RGPD4: variants seen among roughly 807,000 people sequenced by gnomAD.
The protein encoded by RGPD4 is ranBP2-like and GRIP domain-containing protein 4.
In RGPD4, 84 loss-of-function variants were observed where a neutral mutation model predicts 141.1. The ratio of observed to expected loss-of-function variants is 0.60; its 90% CI spans 0.50 to 0.71. RGPD4 has a LOEUF of 0.71. RGPD4 is among the 30% of genes least tolerant of loss of function. RGPD4 has a pLI of 0.00. For synonymous variants in RGPD4, 298 were observed against 566.8 expected (o/e 0.53, Z 6.74); for missense variants, 918 against 1,622.4 (o/e 0.57, Z 7.46).
At chr2:107,855,832 C>T (rs373308974) in intron 8 of RGPD4, among the ~76,000 whole-genome samples, 315 of 83,794 alleles carry the variant, frequency 3.8e-3, no homozygotes, top group African/African-American at 0.012. Flanking sequence ...CCTTGGCAAC[C>T]GCTAATCTGT....
intron 18 of RGPD4, among the ~76,000 whole-genome samples, chr2:107,866,965 G>A (rs1364010611): frequency 6.7e-6 from 1 of 149,674 alleles, no homozygotes; most frequent in East Asian, 2.0e-4. Context: ...GTTACTAATA[G>A]TGTTTACTGT....
At chr2:107,831,896 A>G (rs901565592) in intron 1 of RGPD4, among the ~76,000 whole-genome samples, 2 of 134,524 alleles carry the variant, frequency 1.5e-5, no homozygotes, top group African/African-American at 5.8e-5. Flanking sequence ...TGTACTGGCT[A>G]TTATGCTCCT....
intron 22 of RGPD4, among the ~76,000 whole-genome samples, chr2:107,885,692 C>G (rs1295902834): frequency 6.6e-6 from 1 of 152,032 alleles, no homozygotes; most frequent in Non-Finnish European, 1.5e-5. Flanking sequence ...ATAAAAGAGA[C>G]CTTATTACAA....
chr2:107,878,014 T>A lies in RGPD4; in HGVS notation c.4925-1954T>A, dbSNP rs569295963. ...TTTTAGTAGAGATAGGGTTTCACCA[T>A]CTTGGCCAGGCTGGTCTTGAACTTG... On this transcript the variant is annotated intron_variant, in intron 20 of 22. Coordinates refer to ENST00000408999, the MANE Select transcript of RGPD4 (RefSeq NM_182588.3). Among the ~76,000 whole-genome samples, 184 of 151,310 alleles carry A rather than the reference T, an allele frequency of 1.2e-3. 1 individual carries two copies. The highest frequency in any genetic ancestry group is 4.3e-3 in the African/African-American group (177 of 40,940).
intron 18 of RGPD4, 115 bp from the exon 19 acceptor site, chr2:107,869,768 A>C (rs576083578): frequency 1.8e-5 from 19 of 1,053,562 alleles, no homozygotes; most frequent in Non-Finnish European, 2.4e-5. Context: ...AAATTTATGT[A>C]GTTAAATCTT....
chr2:107,883,871 A>G (rs1464015183), intron 22 of RGPD4, among the ~76,000 whole-genome samples: 3 of 152,166 alleles, frequency 2.0e-5, no homozygotes, highest in African/African-American at 7.2e-5. Flanking sequence ...GTTGTCACCC[A>G]TCTCTAACAG....
chr2:107,852,202 C>T (rs1313421417), intron 7 of RGPD4, among the ~76,000 whole-genome samples: 3 of 140,498 alleles, frequency 2.1e-5, no homozygotes, highest in Admixed American at 1.4e-4. Context: ...GATCGTGCCA[C>T]TGCAGCACTG....
chr2:107,883,369 T>C (rs1175052443), intron 22 of RGPD4, among the ~76,000 whole-genome samples: 77 of 151,694 alleles, frequency 5.1e-4, no homozygotes, highest in South Asian at 8.3e-4. Context: ...TGGTGGTTCA[T>C]GCCTATAATC....
chr2:107,833,913 G>A (rs1160110525), intron 1 of RGPD4, among the ~76,000 whole-genome samples: 1 of 151,946 alleles, frequency 6.6e-6, no homozygotes, highest in East Asian at 1.9e-4. Context: ...GCGTGCGCCT[G>A]CAGTCCCAGC....
chr2:107,881,607 C>T (rs548200120), intron 21 of RGPD4, among the ~76,000 whole-genome samples: 10 of 151,188 alleles, frequency 6.6e-5, no homozygotes, highest in East Asian at 3.9e-4. Flanking sequence ...TGAGCCACCA[C>T]GCCTGGCCAA....
At chr2:107,884,929 A>AT (rs1390361861) in intron 22 of RGPD4, among the ~76,000 whole-genome samples, 1 of 151,132 alleles carries the variant, frequency 6.6e-6, no homozygotes, top group Non-Finnish European at 1.5e-5. Context: ...TTCAGGCTTA[A>AT]TTTTTTTTAC....
intron 22 of RGPD4, among the ~76,000 whole-genome samples, chr2:107,886,642 G>A (rs1202007936): frequency 6.6e-6 from 1 of 151,920 alleles, no homozygotes; most frequent in East Asian, 1.9e-4. Flanking sequence ...TACAGATATG[G>A]ACTGTCAGTC....
rs201001022 is a variant in RGPD4, at chr2:107,872,019, G to A, written c.4015G>A (p.Val1339Ile). Residue 1339 changes from valine (V) to isoleucine (I), a missense_variant, in exon 20 of 23, where the codon GTT becomes ATT. Coordinates refer to ENST00000408999, the MANE Select transcript of RGPD4 (RefSeq NM_182588.3). ...ERDGQYFEPV[V>I]PLPDLVEVSS... The stretch of plus-strand genomic sequence containing the variant: ...AGATGGACAGTACTTTGAACCTGTT[G>A]TTCCTTTACCTGATCTAGTTGAAGT... 6.8e-6 allele frequency: 11 copies of A among 1,611,250 alleles called. No homozygotes were observed. The East Asian group carries it at 2.2e-4, about 33-fold the overall frequency.
chr2:107,831,581 T>TTTTC (rs1558788386), intron 1 of RGPD4, among the ~76,000 whole-genome samples: 6 of 138,610 alleles, frequency 4.3e-5, no homozygotes, highest in Admixed American at 7.1e-5. Context: ...TCTTTTTTTT[T>TTTTC]TTTTTTTTTT....
chr2:107,884,203 C>T (rs1195852782), intron 22 of RGPD4, among the ~76,000 whole-genome samples: 4 of 152,116 alleles, frequency 2.6e-5, no homozygotes, highest in East Asian at 3.9e-4. Flanking sequence ...CTCCGCCTCC[C>T]GGATTCAAGC....
At chr2:107,856,037 A>G (rs1263590659) in intron 8 of RGPD4, among the ~76,000 whole-genome samples, 1 of 135,232 alleles carries the variant, frequency 7.4e-6, no homozygotes, top group African/African-American at 3.2e-5. Context: ...CTCTGGGAAC[A>G]AGGCCTGGAA....
intron 20 of RGPD4, among the ~76,000 whole-genome samples, chr2:107,878,065 G>A (rs1403635128): frequency 6.6e-6 from 1 of 150,782 alleles, no homozygotes. Flanking sequence ...ACCCACCTTA[G>A]CCTCCCAAAC....
At chr2:107,829,836 G>A (rs1681410225) in intron 1 of RGPD4, among the ~76,000 whole-genome samples, 1 of 152,098 alleles carries the variant, frequency 6.6e-6, no homozygotes, top group Non-Finnish European at 1.5e-5. Context: ...GGTTCTCGGG[G>A]GCTTAGGCAC....
intron 1 of RGPD4, among the ~76,000 whole-genome samples, chr2:107,829,424 T>A (rs1573456373): frequency 5.8e-5 from 2 of 34,416 alleles, no homozygotes; most frequent in Non-Finnish European, 7.8e-5. Context: ...CGCTGCTCCC[T>A]GGCGCGCTCT....
Sources: gnomAD v4.1 joint callset for allele counts (sites outside exome capture counted in the v4.1 genomes callset) on GRCh38, gnomAD v4.1.1 for gene constraint, MANE v1.5 for transcripts, NCBI Gene and HGNC (gene_info 2026-07-23, HGNC 2026-07-21) for gene names.